The following HYCC1 variants were observed in gnomAD, a reference collection of about 807,000 sequenced individuals.
The protein encoded by HYCC1 is hyccin PI4KA lipid kinase complex subunit 1.
chr7:23,013,693 G>GA, the HYCC1 span, among the ~76,000 whole-genome samples: 2 of 151,638 alleles, frequency 1.3e-5, no homozygotes, highest in African/African-American at 4.8e-5. Flanking sequence ...GGGGCGAGCA[G>GA]CGCCGGCCGC....
chr7:22,934,481 A>G, the HYCC1 span: 1 of 152,146 alleles, frequency 6.6e-6, no homozygotes, highest in Non-Finnish European at 1.5e-5. Flanking sequence ...CCATAATGGA[A>G]GAAGTAGCTG....
At chr7:22,983,913 T>C in the HYCC1 span, 1 of 1,246,266 alleles carries the variant, frequency 8.0e-7, no homozygotes, top group Non-Finnish European at 1.2e-6. Flanking sequence ...AAGTCAATAC[T>C]GTTAGCACAA....
At chr7:22,936,938 G>C in the HYCC1 span, 1 of 152,086 alleles carries the variant, frequency 6.6e-6, no homozygotes. Flanking sequence ...TTGCTTGTTT[G>C]GTTTGTCCTT....
At chr7:22,992,321 T>C in the HYCC1 span, among the ~76,000 whole-genome samples, 1 of 152,130 alleles carries the variant, frequency 6.6e-6, no homozygotes, top group Non-Finnish European at 1.5e-5. Flanking sequence ...AAAAGATTAC[T>C]TGGGTAATAC....
chr7:23,008,523 G>T, the HYCC1 span, among the ~76,000 whole-genome samples: 1 of 152,112 alleles, frequency 6.6e-6, no homozygotes, highest in Non-Finnish European at 1.5e-5. Context: ...GATCCTAACT[G>T]CCTTTAATGT....
chr7:22,925,583 T>C, the HYCC1 span, among the ~76,000 whole-genome samples: 1 of 151,930 alleles, frequency 6.6e-6, no homozygotes, highest in Non-Finnish European at 1.5e-5. Context: ...AGGGTATCAG[T>C]GATGGAAGAC....
At chr7:22,918,634 G>T in the HYCC1 span, among the ~76,000 whole-genome samples, 1,061 of 152,228 alleles carry the variant, frequency 7.0e-3, 4 homozygotes, top group Middle Eastern at 0.014. Context: ...AAGTGAAAAT[G>T]GCCGATTCCT....
the HYCC1 span, among the ~76,000 whole-genome samples, chr7:22,914,930 A>C: frequency 6.6e-6 from 1 of 152,136 alleles, no homozygotes; most frequent in Admixed American, 6.5e-5. Context: ...CTGCCCAAAA[A>C]TTTCCTCTTA....
the HYCC1 span, among the ~76,000 whole-genome samples, chr7:22,897,396 G>A: frequency 2.0e-5 from 3 of 152,190 alleles, no homozygotes; most frequent in Non-Finnish European, 4.4e-5. Flanking sequence ...ATTTTGTCAA[G>A]AGTGGACTCC....
the HYCC1 span, among the ~76,000 whole-genome samples, chr7:22,947,749 T>A: frequency 6.6e-6 from 1 of 152,098 alleles, no homozygotes; most frequent in African/African-American, 2.4e-5. Context: ...CTATTTTTTA[T>A]GAGGCTACAT....
the HYCC1 span, among the ~76,000 whole-genome samples, chr7:22,997,583 T>A: frequency 6.6e-6 from 1 of 152,208 alleles, no homozygotes; most frequent in African/African-American, 2.4e-5. Context: ...TGTTACAGAA[T>A]AAAATTAATT....
chr7:22,991,273 C>A, the HYCC1 span: 1 of 589,158 alleles, frequency 1.7e-6, no homozygotes, highest in Non-Finnish European at 2.9e-6. Flanking sequence ...TTACTAAATT[C>A]ATTTCAAAAC....
At chr7:22,905,799 G>C in the HYCC1 span, among the ~76,000 whole-genome samples, 1 of 152,068 alleles carries the variant, frequency 6.6e-6, no homozygotes, top group African/African-American at 2.4e-5. Context: ...TTAAGTTACG[G>C]AGGATTTCTT....
At chr7:22,984,556 C>CA in the HYCC1 span, among the ~76,000 whole-genome samples, 4 of 151,786 alleles carry the variant, frequency 2.6e-5, no homozygotes, top group East Asian at 1.9e-4. Flanking sequence ...CTCGTCTCTA[C>CA]AAAAAAACAA....
the HYCC1 span, among the ~76,000 whole-genome samples, chr7:22,985,198 CAT>C: frequency 6.6e-6 from 1 of 152,154 alleles, no homozygotes; most frequent in South Asian, 2.1e-4. Context: ...TTATATGTCT[CAT>C]ATCCTAGTAT....
chr7:22,908,992 G>A, the HYCC1 span, among the ~76,000 whole-genome samples: 3 of 152,192 alleles, frequency 2.0e-5, no homozygotes, highest in Non-Finnish European at 2.9e-5. Context: ...AATACTCTAG[G>A]TGGACTGTCT....
At chr7:22,910,025 A>G in the HYCC1 span, among the ~76,000 whole-genome samples, 4 of 152,206 alleles carry the variant, frequency 2.6e-5, no homozygotes, top group Non-Finnish European at 4.4e-5. Flanking sequence ...AATAAAGGGG[A>G]AAAAATCCAG....
chr7:22,916,254 T>C, the HYCC1 span, among the ~76,000 whole-genome samples: 10 of 152,174 alleles, frequency 6.6e-5, no homozygotes, highest in Admixed American at 3.9e-4. Flanking sequence ...CTGCGCCTTA[T>C]CAACCAAATT....
chr7:22,908,779 T>C, the HYCC1 span, among the ~76,000 whole-genome samples: 1 of 151,618 alleles, frequency 6.6e-6, no homozygotes, highest in South Asian at 2.1e-4. Context: ...AAGAATGACT[T>C]TGTTTACCTG....
Sources: allele counts gnomAD v4.1 joint callset (sites outside exome capture counted in the v4.1 genomes callset), GRCh38; gene constraint gnomAD v4.1.1; transcripts MANE v1.5; gene names NCBI Gene and HGNC (gene_info 2026-07-23, HGNC 2026-07-21).